RBFOX1: variants seen among roughly 807,000 people sequenced by gnomAD.
The protein encoded by RBFOX1 is RNA binding fox-1 homolog 1, also known as RNA binding protein fox-1 homolog 1.
RBFOX1 carries 8 observed loss-of-function variants against 57.7 expected under a neutral mutation model. The observed-to-expected ratio is 0.14, with a 90% CI of 0.08 to 0.25. The LOEUF (loss-of-function observed/expected upper bound fraction) is 0.25. RBFOX1 is among the 10% of genes least tolerant of loss of function. The pLI is 1.00. For missense variants in RBFOX1, 611 were observed against 548.5 expected (o/e 1.11, Z -1.14); for synonymous variants, 326 against 222.4 (o/e 1.47, Z -4.15).
chr16:7,218,676 G>T (rs2092466739), intron 4 of RBFOX1, among the ~76,000 whole-genome samples: 1 of 146,752 alleles, frequency 6.8e-6, no homozygotes, highest in African/African-American at 2.5e-5. Flanking sequence ...GTGTGTGTGT[G>T]TGTGTCCTTT....
intron 2 of RBFOX1, among the ~76,000 whole-genome samples, chr16:6,586,816 A>C (rs1548859): frequency 6.6e-6 from 1 of 152,110 alleles, no homozygotes; most frequent in Non-Finnish European, 1.5e-5. Flanking sequence ...TTTTAACTGC[A>C]CTATCACCAC....
chr16:7,136,393 A>C (rs959497787), intron 4 of RBFOX1, among the ~76,000 whole-genome samples: 1 of 148,178 alleles, frequency 6.7e-6, no homozygotes, highest in Non-Finnish European at 1.5e-5. Context: ...GAACATCTCT[A>C]TCATCTTGGG....
At chr16:6,668,150 G>A (rs1439225521) in intron 3 of RBFOX1, among the ~76,000 whole-genome samples, 4 of 152,204 alleles carry the variant, frequency 2.6e-5, no homozygotes, top group African/African-American at 9.7e-5. Flanking sequence ...ATAGAGTTGA[G>A]AGCATAAGTA....
intron 1 of RBFOX1, among the ~76,000 whole-genome samples, chr16:6,228,885 T>C (rs2097437016): frequency 6.6e-6 from 1 of 152,204 alleles, no homozygotes; most frequent in Non-Finnish European, 1.5e-5. Context: ...TGTTTGAAAT[T>C]TTCATGTTGT....
chr16:7,181,012 G>A (rs1480340856), intron 4 of RBFOX1, among the ~76,000 whole-genome samples: 1 of 152,210 alleles, frequency 6.6e-6, no homozygotes, highest in African/African-American at 2.4e-5. Flanking sequence ...GCAATGGAAT[G>A]TTGCGGCATT....
intron 4 of RBFOX1, among the ~76,000 whole-genome samples, chr16:7,059,417 T>C (rs1453248480): frequency 6.6e-6 from 1 of 152,192 alleles, no homozygotes; most frequent in East Asian, 1.9e-4. Context: ...GCAGAAACCG[T>C]ATGCCAATCA....
At chr16:6,245,378 C>T (rs934323430) in intron 1 of RBFOX1, among the ~76,000 whole-genome samples, 6 of 152,222 alleles carry the variant, frequency 3.9e-5, no homozygotes, top group Non-Finnish European at 8.8e-5. Context: ...TTAAGACTCC[C>T]TCTAAGGCCA....
intron 2 of RBFOX1, among the ~76,000 whole-genome samples, chr16:6,611,034 G>A (rs1000808004): frequency 2.6e-5 from 4 of 152,176 alleles, no homozygotes; most frequent in African/African-American, 9.7e-5. Flanking sequence ...GAAAGTGTAT[G>A]TTATTGTGGA....
chr16:7,601,929 C>T (rs1308393018), intron 9 of RBFOX1, among the ~76,000 whole-genome samples: 4 of 152,138 alleles, frequency 2.6e-5, no homozygotes, highest in African/African-American at 4.8e-5. Flanking sequence ...CCAGTGCGAA[C>T]CTCACTTCTT....
chr16:6,789,834 C>G (rs2082602525), intron 3 of RBFOX1, among the ~76,000 whole-genome samples: 1 of 151,920 alleles, frequency 6.6e-6, no homozygotes, highest in Admixed American at 6.6e-5. Flanking sequence ...TGCTTTCTCC[C>G]ACCTTTTTCT....
rs970742374 is a variant in RBFOX1, at chr16:7,711,622, G to T, written c.*877G>T. The T allele has an allele frequency of 2.6e-5, 4 of 152,002 alleles. No homozygotes were observed. The highest frequency in any genetic ancestry group is 2.0e-4 in the Admixed American group (3 of 15,198). The allele number at this position is 152,002 out of a possible 1,614,324, so 9.4% of individuals were successfully genotyped here. ...ATTTTTTTCTTTTTTTCCAAAAAAA[G>T]AAAGTAATAAAAACTTAAATTCTTT... On this transcript the variant is annotated 3_prime_UTR_variant, in exon 16 of 16. Coordinates refer to ENST00000550418, the MANE Select transcript of RBFOX1 (RefSeq NM_018723.4).
chr16:7,021,036 G>A (rs2038873703), intron 3 of RBFOX1, among the ~76,000 whole-genome samples: 1 of 152,158 alleles, frequency 6.6e-6, no homozygotes, highest in Non-Finnish European at 1.5e-5. Flanking sequence ...GCTGAGGCAG[G>A]AGAATCGGTT....
chr16:7,300,373 T>A (rs1000479930), intron 4 of RBFOX1, among the ~76,000 whole-genome samples: 1 of 152,218 alleles, frequency 6.6e-6, no homozygotes, highest in East Asian at 1.9e-4. Flanking sequence ...TGACTCAAAG[T>A]GCTTTTGATA....
At chr16:6,828,054 A>G (rs529172467) in intron 3 of RBFOX1, among the ~76,000 whole-genome samples, 3 of 152,276 alleles carry the variant, frequency 2.0e-5, no homozygotes, top group African/African-American at 7.2e-5. Flanking sequence ...CCTTGAGAAA[A>G]TGATTAAAAG....
intron 4 of RBFOX1, among the ~76,000 whole-genome samples, chr16:7,114,047 G>T (rs780646785): frequency 2.6e-5 from 4 of 152,130 alleles, no homozygotes; most frequent in African/African-American, 9.7e-5. Context: ...TATGAGCAAA[G>T]AACTGTCACC....
At chr16:5,579,312 C>G (rs185125310) in intron 2 of RBFOX1, among the ~76,000 whole-genome samples, 208 of 152,256 alleles carry the variant, frequency 1.4e-3, no homozygotes, top group African/African-American at 4.8e-3. Flanking sequence ...ACTCCCCACC[C>G]ACCTTCACTT....
chr16:6,792,590 A>G (rs966749696), intron 3 of RBFOX1, among the ~76,000 whole-genome samples: 3 of 152,202 alleles, frequency 2.0e-5, no homozygotes, highest in Admixed American at 2.0e-4. Context: ...TGTGCCTCCT[A>G]CTACGAAGTC....
rs868347454 is a variant in RBFOX1, at chr16:7,657,323, G to T, written c.890+3376G>T. Among the ~76,000 whole-genome samples the T allele has an allele frequency of 6.6e-5, 10 of 152,130 alleles. No homozygotes were observed. In the South Asian group the frequency reaches 1.2e-3, roughly 19 times the overall value. On this transcript the variant is annotated intron_variant, in intron 12 of 15. Transcript: ENST00000550418. ...TTTCCTTTTAAAAAAAATTTTTTTT[G>T]AGACGGAGTCTTACTCTGTCACCCA...
chr16:5,563,939 A>G (rs940687026), intron 2 of RBFOX1, among the ~76,000 whole-genome samples: 1 of 152,118 alleles, frequency 6.6e-6, no homozygotes, highest in African/African-American at 2.4e-5. Context: ...TGAGACTATG[A>G]CCTAGATGTG....
Sources: gnomAD v4.1 joint callset for allele counts (sites outside exome capture counted in the v4.1 genomes callset) on GRCh38, gnomAD v4.1.1 for gene constraint, MANE v1.5 for transcripts, NCBI Gene and HGNC (gene_info 2026-07-23, HGNC 2026-07-21) for gene names.